The following NBEA variants were observed in gnomAD, a reference collection of about 807,000 sequenced individuals.
NBEA encodes the protein neurobeachin, also known as lysosomal-trafficking regulator 2.
A neutral mutation model predicts 343.4 loss-of-function variants in NBEA; 44 were observed. The ratio of observed to expected loss-of-function variants is 0.13; its 90% CI spans 0.10 to 0.16. NBEA has a LOEUF of 0.16. NBEA is among the 10% of genes least tolerant of loss of function. The pLI is 1.00. For synonymous variants in NBEA, 1,175 were observed against 1,238.7 expected, an observed-to-expected ratio of 0.95 and a Z score of 1.08; for missense variants, 2,555 against 3,631.3, an observed-to-expected ratio of 0.70 and a Z score of 7.62.
chr13:35,573,371 G>A (rs959413663), intron 45 of NBEA, among the ~76,000 whole-genome samples: 3 of 152,312 alleles, frequency 2.0e-5, no homozygotes, highest in Non-Finnish European at 4.4e-5. Flanking sequence ...TGTTTACCCA[G>A]TGACATATTA....
intron 34 of NBEA, among the ~76,000 whole-genome samples, chr13:35,235,581 T>C (rs2075188338): frequency 6.6e-6 from 1 of 152,196 alleles, no homozygotes; most frequent in Admixed American, 6.5e-5. Flanking sequence ...GGCACAATTA[T>C]GTTGTTATAA....
At chr13:35,130,890 CAAG>C (rs1222674470) in intron 17 of NBEA, among the ~76,000 whole-genome samples, 6 of 151,734 alleles carry the variant, frequency 4.0e-5, no homozygotes, top group African/African-American at 1.2e-4. Flanking sequence ...ATAACTATAA[CAAG>C]AAGTTATTCA....
At chr13:35,250,395 T>C (rs1233110321) in intron 34 of NBEA, among the ~76,000 whole-genome samples, 3 of 152,058 alleles carry the variant, frequency 2.0e-5, no homozygotes, top group Admixed American at 1.3e-4. Flanking sequence ...AATTTGTGGA[T>C]GGGTTAAATA....
intron 41 of NBEA, among the ~76,000 whole-genome samples, chr13:35,504,458 G>A (rs1046400012): frequency 3.3e-5 from 5 of 152,178 alleles, no homozygotes; most frequent in East Asian, 3.9e-4. Flanking sequence ...AGTTGAGACC[G>A]TTTTGTCTCA....
intron 1 of NBEA, among the ~76,000 whole-genome samples, chr13:34,979,691 A>C (rs1336190447): frequency 6.6e-6 from 1 of 152,076 alleles, no homozygotes; most frequent in Non-Finnish European, 1.5e-5. Context: ...TTTTTACTTA[A>C]AGCTATATTT....
At chr13:35,375,888 G>T (rs2041713242) in intron 38 of NBEA, among the ~76,000 whole-genome samples, 2 of 152,050 alleles carry the variant, frequency 1.3e-5, no homozygotes, top group Admixed American at 6.6e-5. Flanking sequence ...GTTATTTACA[G>T]TTAATAGATA....
intron 38 of NBEA, among the ~76,000 whole-genome samples, chr13:35,427,003 T>G (rs2044724373): frequency 6.6e-6 from 1 of 152,242 alleles, no homozygotes; most frequent in Non-Finnish European, 1.5e-5. Context: ...TAAGGACTTC[T>G]CTGCATTGGT....
intron 41 of NBEA, among the ~76,000 whole-genome samples, chr13:35,534,497 C>A (rs547371705): frequency 6.6e-6 from 1 of 152,318 alleles, no homozygotes; most frequent in African/African-American, 2.4e-5. Flanking sequence ...GCATCACATT[C>A]CTCATTAGAG....
intron 36 of NBEA, among the ~76,000 whole-genome samples, chr13:35,324,759 A>G (rs1007069790): frequency 3.3e-5 from 5 of 152,146 alleles, no homozygotes; most frequent in African/African-American, 1.2e-4. Context: ...AAGCTAAATG[A>G]TATAAAAATG....
intron 48 of NBEA, among the ~76,000 whole-genome samples, chr13:35,615,129 C>CAAAAAAAAAAAAAAAAAA (rs34475826): frequency 4.5e-5 from 5 of 110,968 alleles, no homozygotes; most frequent in Admixed American, 9.6e-5. Flanking sequence ...ACTAAAAATA[C>CAAAAAAAAAAAAAAAAAA]AAAAAAAAAA....
At chr13:35,296,603 C>G (rs2036148659) in intron 35 of NBEA, among the ~76,000 whole-genome samples, 1 of 151,974 alleles carries the variant, frequency 6.6e-6, no homozygotes, top group South Asian at 2.1e-4. Context: ...CCTAAAATTT[C>G]TTTCCATACT....
chr13:35,655,025 G>A lies in NBEA; in HGVS notation c.8191+15G>A. 1 of 1,494,644 alleles carries A rather than the reference G, an allele frequency of 6.7e-7. No homozygotes were observed. Among genetic ancestry groups the A allele is most frequent in the Non-Finnish European group, 8.9e-7 (1 of 1,125,514 alleles). 92.6% of individuals were successfully genotyped at this position (1,494,644 alleles called of 1,614,324 possible). ...TACAGAAACAGGTAATCCTAACTAT[G>A]AAACACCATATTCTCTTCAAAATGA... is the stretch of plus-strand genomic sequence containing the variant. On this transcript the variant is annotated intron_variant, in intron 54 of 58. Transcript: ENST00000379939.
At chr13:35,196,685 T>A (rs1464997261) in intron 31 of NBEA, among the ~76,000 whole-genome samples, 1 of 152,096 alleles carries the variant, frequency 6.6e-6, no homozygotes. Flanking sequence ...AATTCCATTA[T>A]AATATTATAA....
intron 36 of NBEA, 67 bp downstream of exon 36, chr13:35,309,659 T>A (rs2037223820): frequency 1.2e-6 from 1 of 830,054 alleles, no homozygotes; most frequent in African/African-American, 1.8e-5. Context: ...AATTGCTCTT[T>A]CCTACCATCT....
chr13:35,567,392 G>A (rs561133841), intron 45 of NBEA, among the ~76,000 whole-genome samples: 4 of 152,310 alleles, frequency 2.6e-5, no homozygotes, highest in Admixed American at 1.3e-4. Flanking sequence ...TACACACATT[G>A]TAGGGAAATA....
At chr13:35,081,653 A>G (rs756418173) in intron 10 of NBEA, among the ~76,000 whole-genome samples, 11 of 151,922 alleles carry the variant, frequency 7.2e-5, no homozygotes, top group Non-Finnish European at 1.5e-4. Context: ...ATAACTTTTT[A>G]TTTTTTACCT....
intron 35 of NBEA, among the ~76,000 whole-genome samples, chr13:35,294,696 C>T (rs149429064): frequency 0.017 from 2,540 of 151,980 alleles, 34 homozygotes; most frequent in Middle Eastern, 0.024. Context: ...AATTTGAATT[C>T]AATTAAGAAC....
chr13:35,021,960 T>C (rs2061857993), intron 1 of NBEA, among the ~76,000 whole-genome samples: 1 of 152,178 alleles, frequency 6.6e-6, no homozygotes, highest in South Asian at 2.1e-4. Flanking sequence ...CTGTATGTTT[T>C]CTTCTGTCTG....
chr13:35,530,144 T>C (rs2078185054), intron 41 of NBEA, among the ~76,000 whole-genome samples: 1 of 152,214 alleles, frequency 6.6e-6, no homozygotes, highest in African/African-American at 2.4e-5. Flanking sequence ...GTAACATGGA[T>C]TGCGTGTGTT....
Sources: gnomAD v4.1 joint callset for allele counts (sites outside exome capture counted in the v4.1 genomes callset) on GRCh38, gnomAD v4.1.1 for gene constraint, MANE v1.5 for transcripts, NCBI Gene and HGNC (gene_info 2026-07-23, HGNC 2026-07-21) for gene names.